The following TMEFF1 variants were observed in gnomAD, a reference collection of about 807,000 sequenced individuals.
TMEFF1 encodes the protein tomoregulin-1.
TMEFF1 carries 20 observed loss-of-function variants against 47.5 expected under a neutral mutation model. That is an observed-to-expected ratio of 0.42 (90% confidence interval 0.30 to 0.61). The LOEUF is 0.61. TMEFF1 is among the 20% of genes least tolerant of loss of function. The pLI is 0.19. For synonymous variants in TMEFF1, 162 were observed against 166.3 expected, an observed-to-expected ratio of 0.97 and a Z score of 0.20; for missense variants, 411 against 471.1, an observed-to-expected ratio of 0.87 and a Z score of 1.18.
At chr9:100,510,083 C>CA (rs1837935098) in intron 3 of TMEFF1, among the ~76,000 whole-genome samples, 1 of 152,110 alleles carries the variant, frequency 6.6e-6, no homozygotes, top group Admixed American at 6.5e-5. Context: ...CTATATATTA[C>CA]AGTGTTCAGA....
intron 1 of TMEFF1, among the ~76,000 whole-genome samples, chr9:100,475,648 A>C (rs941913696): frequency 6.6e-6 from 1 of 151,994 alleles, no homozygotes; most frequent in South Asian, 2.1e-4. Flanking sequence ...TTCAAGTTTT[A>C]AGAAAGGAAA....
intron 3 of TMEFF1, among the ~76,000 whole-genome samples, chr9:100,511,671 A>G (rs1479698861): frequency 1.3e-5 from 2 of 152,122 alleles, no homozygotes; most frequent in African/African-American, 4.8e-5. Context: ...TCCTTCTGTG[A>G]CATCTCCTGG....
intron 1 of TMEFF1, among the ~76,000 whole-genome samples, chr9:100,479,309 A>G (rs746194130): frequency 6.6e-6 from 1 of 152,234 alleles, no homozygotes; most frequent in Non-Finnish European, 1.5e-5. Flanking sequence ...ACAGATATAT[A>G]TAGTGGAAGT....
chr9:100,532,257 A>G (rs1189411683), intron 5 of TMEFF1, among the ~76,000 whole-genome samples: 1 of 152,188 alleles, frequency 6.6e-6, no homozygotes, highest in Non-Finnish European at 1.5e-5. Context: ...TAATTAAACT[A>G]AAGAGCCTCT....
At chr9:100,515,064 G>T (rs1430294997) in intron 4 of TMEFF1, among the ~76,000 whole-genome samples, 7 of 152,096 alleles carry the variant, frequency 4.6e-5, no homozygotes, top group Non-Finnish European at 1.0e-4. Flanking sequence ...TACTTTGGAG[G>T]CTAAAGCGGG....
At chr9:100,576,402 T>A in intron 9 of TMEFF1, 114 bp from the exon 10 acceptor site, 2 of 1,301,166 alleles carry the variant, frequency 1.5e-6, no homozygotes, top group East Asian at 5.0e-5. Context: ...TTCATGTAAT[T>A]GCTTGCAATG....
intron 5 of TMEFF1, among the ~76,000 whole-genome samples, chr9:100,537,453 A>G (rs546443700): frequency 6.6e-6 from 1 of 152,340 alleles, no homozygotes; most frequent in Admixed American, 6.5e-5. Context: ...GTTAGAGTCA[A>G]TGGGTGGAAA....
chr9:100,570,204 A>G (rs1270900159), intron 8 of TMEFF1, among the ~76,000 whole-genome samples: 1 of 152,152 alleles, frequency 6.6e-6, no homozygotes, highest in Non-Finnish European at 1.5e-5. Flanking sequence ...GATTAAATCC[A>G]TATCTTAGCT....
chr9:100,509,328 T>G (rs1837918720), intron 3 of TMEFF1, among the ~76,000 whole-genome samples, 194 bp downstream of exon 3: 1 of 152,212 alleles, frequency 6.6e-6, no homozygotes, highest in Non-Finnish European at 1.5e-5. Flanking sequence ...TGTATAGACT[T>G]ATGTTACTCC....
intron 5 of TMEFF1, among the ~76,000 whole-genome samples, chr9:100,523,100 A>G (rs2118411639): frequency 6.6e-6 from 1 of 152,320 alleles, no homozygotes; most frequent in African/African-American, 2.4e-5. Context: ...TTTAAAATGC[A>G]AAACTCCGTC....
chr9:100,512,695 C>T (rs759885596), intron 3 of TMEFF1, among the ~76,000 whole-genome samples: 35 of 152,264 alleles, frequency 2.3e-4, no homozygotes, highest in Middle Eastern at 6.8e-3. Context: ...TTGATGAAGG[C>T]TCTTTTTAAT....
At chr9:100,507,275 A>G (rs189145775) in intron 2 of TMEFF1, among the ~76,000 whole-genome samples, 594 of 152,204 alleles carry the variant, frequency 3.9e-3, no homozygotes, top group Admixed American at 8.1e-3. Flanking sequence ...GGGCACCTAG[A>G]TTGATTCCAT....
chr9:100,541,670 C>T (rs140518058), intron 5 of TMEFF1, among the ~76,000 whole-genome samples: 5 of 152,226 alleles, frequency 3.3e-5, no homozygotes, highest in Admixed American at 3.3e-4. Context: ...GCCACCACGC[C>T]TGGCCAGATT....
chr9:100,529,816 A>G (rs1435784562), intron 5 of TMEFF1, among the ~76,000 whole-genome samples: 1 of 152,160 alleles, frequency 6.6e-6, no homozygotes, highest in African/African-American at 2.4e-5. Flanking sequence ...CACCACACCT[A>G]TTCCAAAATT....
At chr9:100,567,204 G>T (rs750688374) in intron 8 of TMEFF1, among the ~76,000 whole-genome samples, 2 of 152,156 alleles carry the variant, frequency 1.3e-5, no homozygotes, top group African/African-American at 2.4e-5. Flanking sequence ...TGCCATGCAT[G>T]CATGGATGCT....
chr9:100,529,694 A>G (rs545203045), intron 5 of TMEFF1, among the ~76,000 whole-genome samples: 2,047 of 152,258 alleles, frequency 0.013, 38 homozygotes, highest in African/African-American at 0.046. Flanking sequence ...CGAGACAGAA[A>G]GTCAACAAGG....
chr9:100,475,336 G>T (rs1388972074), intron 1 of TMEFF1, among the ~76,000 whole-genome samples: 1 of 152,094 alleles, frequency 6.6e-6, no homozygotes, highest in Non-Finnish European at 1.5e-5. Flanking sequence ...GTAAACAATG[G>T]CATGTCCATT....
intron 7 of TMEFF1, among the ~76,000 whole-genome samples, chr9:100,558,474 G>A (rs1416522844): frequency 1.3e-5 from 2 of 151,584 alleles, no homozygotes; most frequent in Non-Finnish European, 2.9e-5. Context: ...TTTGATCTCA[G>A]TTATTTGGCT....
intron 2 of TMEFF1, among the ~76,000 whole-genome samples, chr9:100,505,843 C>A (rs751195737): frequency 8.5e-5 from 13 of 152,182 alleles, no homozygotes; most frequent in Non-Finnish European, 1.8e-4. Context: ...TTGGAAAGTT[C>A]ATAGATTTAG....
Sources: gnomAD v4.1 joint callset for allele counts (sites outside exome capture counted in the v4.1 genomes callset) on GRCh38, gnomAD v4.1.1 for gene constraint, MANE v1.5 for transcripts, NCBI Gene and HGNC (gene_info 2026-07-23, HGNC 2026-07-21) for gene names.